CTNNA2: variants seen among roughly 807,000 people sequenced by gnomAD.
The protein encoded by CTNNA2 is catenin alpha 2, also known as catenin alpha-2.
Under a neutral mutation model 101.0 loss-of-function variants are expected in CTNNA2, and 42 were observed. The observed-to-expected ratio is 0.42, with a 90% confidence interval of 0.32 to 0.54. The LOEUF is 0.54. Ranked by LOEUF, CTNNA2 falls within the 20% of genes least tolerant of loss-of-function variation. The probability of loss-of-function intolerance (pLI) is 0.14; values close to 1 mark genes in which losing one functional copy is unlikely to be tolerated. For synonymous variants in CTNNA2, 450 were observed against 456.4 expected (o/e 0.99, Z 0.18); for missense variants, 871 against 1,223.1 (o/e 0.71, Z 4.29).
chr2:80,419,391 T>A lies in CTNNA2; in HGVS notation c.1138-58T>A, dbSNP rs948557750. On this transcript the variant is annotated intron_variant, in intron 8 of 18. Transcript: ENST00000402739. The stretch of plus-strand genomic sequence containing the variant: ...GCTCAAAAACAGTTTAGAAAAAAAA[T>A]GGGCAATTATACTATTTCTTAATTG... The A allele has an allele frequency of 8.7e-6, 12 of 1,386,332 alleles. No homozygotes were observed. In the African/African-American group the frequency reaches 1.6e-4, roughly 18 times the overall value. The allele number at this position is 1,386,332 out of a possible 1,614,324, so 85.9% of individuals were successfully genotyped here.
At chr2:80,380,688 T>C (rs1437778455) in intron 7 of CTNNA2, among the ~76,000 whole-genome samples, 1 of 152,202 alleles carries the variant, frequency 6.6e-6, no homozygotes, top group African/African-American at 2.4e-5. Flanking sequence ...GAGATTACAA[T>C]GCACTTCTTA....
intron 2 of CTNNA2, among the ~76,000 whole-genome samples, chr2:79,719,423 A>G (rs1247678118): frequency 6.6e-6 from 1 of 152,086 alleles, no homozygotes; most frequent in Non-Finnish European, 1.5e-5. Flanking sequence ...CTTTCAGTAT[A>G]TAACCAGTAA....
intron 4 of CTNNA2, among the ~76,000 whole-genome samples, chr2:79,483,284 G>A (rs148289987): frequency 2.6e-4 from 40 of 152,262 alleles, no homozygotes; most frequent in African/African-American, 8.2e-4. Flanking sequence ...GAGTGCCCTC[G>A]TCTATTGGTT....
At chr2:80,634,731 G>GA (rs374490048) in intron 18 of CTNNA2, among the ~76,000 whole-genome samples, 2 of 152,232 alleles carry the variant, frequency 1.3e-5, no homozygotes, top group African/African-American at 2.4e-5. Flanking sequence ...TGGCCAAGTG[G>GA]ATAAGAGTGA....
chr2:80,267,187 A>C (rs1024351940), intron 7 of CTNNA2, among the ~76,000 whole-genome samples: 10 of 152,032 alleles, frequency 6.6e-5, no homozygotes, highest in African/African-American at 2.2e-4. Flanking sequence ...TCTCCTCTTC[A>C]TTCTCACTTC....
chr2:80,418,159 T>C (rs948226131), intron 8 of CTNNA2, among the ~76,000 whole-genome samples: 2 of 152,160 alleles, frequency 1.3e-5, no homozygotes, highest in East Asian at 3.8e-4. Flanking sequence ...CACTGTAGGA[T>C]CTCCTTCAGA....
intron 1 of CTNNA2, among the ~76,000 whole-genome samples, chr2:79,585,843 C>A (rs1231141620): frequency 2.6e-5 from 4 of 152,010 alleles, no homozygotes; most frequent in Admixed American, 6.6e-5. Context: ...TCCAAGAGTG[C>A]TAGCTCATCC....
intron 7 of CTNNA2, chr2:80,305,295 G>C (rs1298073039): frequency 2.0e-6 from 2 of 985,282 alleles, no homozygotes; most frequent in African/African-American, 1.7e-5. Context: ...TCCAAGTCCC[G>C]GTGGTGTGAG....
At chr2:80,410,934 C>T (rs1448048348) in intron 8 of CTNNA2, among the ~76,000 whole-genome samples, 1 of 152,150 alleles carries the variant, frequency 6.6e-6, no homozygotes, top group Non-Finnish European at 1.5e-5. Flanking sequence ...AGTGAGAATG[C>T]AAATTAGAAT....
At chr2:79,287,952 G>A (rs935154308) in intron 2 of CTNNA2, among the ~76,000 whole-genome samples, 5 of 152,238 alleles carry the variant, frequency 3.3e-5, no homozygotes, top group African/African-American at 1.2e-4. Context: ...ATCTCCTGAT[G>A]CGCTGTTTTT....
chr2:80,626,470 C>A (rs1182988811), intron 18 of CTNNA2, among the ~76,000 whole-genome samples: 1 of 152,062 alleles, frequency 6.6e-6, no homozygotes, highest in Non-Finnish European at 1.5e-5. Context: ...ACCCCTCTGC[C>A]CTTCTTCAGT....
intron 7 of CTNNA2, among the ~76,000 whole-genome samples, chr2:80,182,769 G>GCCTCCTC (rs1705862794): frequency 6.6e-6 from 1 of 152,188 alleles, no homozygotes; most frequent in Non-Finnish European, 1.5e-5. Flanking sequence ...TGCAGTTGAG[G>GCCTCCTC]ACAGAGGTTT....
intron 1 of CTNNA2, among the ~76,000 whole-genome samples, chr2:79,194,702 T>C (rs978263967): frequency 1.3e-5 from 2 of 152,160 alleles, no homozygotes; most frequent in Non-Finnish European, 2.9e-5. Context: ...TTGCCCTGTG[T>C]ATATGTGAGC....
intron 7 of CTNNA2, among the ~76,000 whole-genome samples, chr2:80,106,695 A>T (rs1700909707): frequency 6.6e-6 from 1 of 152,144 alleles, no homozygotes; most frequent in Non-Finnish European, 1.5e-5. Context: ...CCGATTAACA[A>T]TTCTTAGGAA....
chr2:80,356,674 G>A (rs547736814), intron 7 of CTNNA2, among the ~76,000 whole-genome samples: 1 of 152,184 alleles, frequency 6.6e-6, no homozygotes, highest in African/African-American at 2.4e-5. Context: ...AATGTGCCTG[G>A]CCATTTTAAT....
At chr2:80,473,018 C>T (rs1423289646) in intron 9 of CTNNA2, among the ~76,000 whole-genome samples, 1 of 152,166 alleles carries the variant, frequency 6.6e-6, no homozygotes, top group Non-Finnish European at 1.5e-5. Context: ...ATCACACAGT[C>T]ACCAAGTCAA....
intron 4 of CTNNA2, among the ~76,000 whole-genome samples, chr2:79,860,564 T>TTTTTTTTTTTC (rs1681537643): frequency 6.6e-6 from 1 of 151,244 alleles, no homozygotes; most frequent in Admixed American, 6.6e-5. Context: ...TTTTTTTTTT[T>TTTTTTTTTTTC]TAACGATTTA....
intron 7 of CTNNA2, among the ~76,000 whole-genome samples, chr2:80,272,731 T>A (rs1673595768): frequency 6.6e-6 from 1 of 152,234 alleles, no homozygotes; most frequent in East Asian, 1.9e-4. Flanking sequence ...AGTATAAGTA[T>A]GTCCCATGCA....
At chr2:80,322,093 C>A (rs1678753250) in intron 7 of CTNNA2, among the ~76,000 whole-genome samples, 1 of 152,152 alleles carries the variant, frequency 6.6e-6, no homozygotes, top group Non-Finnish European at 1.5e-5. Context: ...TGTAGAATTT[C>A]ATAGAACTAC....
Sources: allele counts gnomAD v4.1 joint callset (sites outside exome capture counted in the v4.1 genomes callset), GRCh38; gene constraint gnomAD v4.1.1; transcripts MANE v1.5; gene names NCBI Gene and HGNC (gene_info 2026-07-23, HGNC 2026-07-21).